COL26A1: variants seen among roughly 807,000 people sequenced by gnomAD.
COL26A1 encodes collagen type XXVI alpha 1 chain.
COL26A1 carries 41 observed loss-of-function variants against 59.3 expected under a neutral mutation model. That is an observed-to-expected ratio of 0.69 (90% CI 0.54 to 0.90). The LOEUF (loss-of-function observed/expected upper bound fraction) is 0.90, where lower values mean the gene tolerates loss of function less well. Ranked by LOEUF, COL26A1 falls within the 40% of genes least tolerant of loss-of-function variation. COL26A1 has a pLI of 0.00. For missense variants in COL26A1, 612 were observed against 602.3 expected, an observed-to-expected ratio of 1.02 and a Z score of -0.17; for synonymous variants, 266 against 256.0, an observed-to-expected ratio of 1.04 and a Z score of -0.37.
chr7:101,557,332 G>A (rs1306755810), intron 12 of COL26A1, 38 bp from the exon 13 acceptor site: 1 of 1,586,008 alleles, frequency 6.3e-7, no homozygotes, highest in Non-Finnish European at 8.6e-7. Flanking sequence ...GTGTTCCTAA[G>A]GCTCTACCTC....
At chr7:101,457,393 C>G (rs1287665635) in intron 3 of COL26A1, among the ~76,000 whole-genome samples, 1 of 152,182 alleles carries the variant, frequency 6.6e-6, no homozygotes, top group Non-Finnish European at 1.5e-5. Context: ...TACATTTTAG[C>G]AGAATTCAGG....
rs944062516 is a variant in COL26A1, at chr7:101,363,242, CG to C, written c.158+57del. The C allele has an allele frequency of 9.7e-4, 1,156 of 1,189,948 alleles. 9 individuals are homozygous for C. Among genetic ancestry groups the C allele is most frequent in the South Asian group, 4.2e-3 (238 of 56,344 alleles). The allele number at this position is 1,189,948 out of a possible 1,614,324, so 73.7% of individuals were successfully genotyped here. On this transcript the variant is annotated intron_variant, in intron 1 of 12. Coordinates refer to ENST00000313669, the MANE Select transcript of COL26A1 (RefSeq NM_001278563.3). ...GGGGGTGGGGGGAGGGAGCGGACAG[CG>C]GGGGCCCTGGCCACTGGGTGGCTGG...
intron 8 of COL26A1, among the ~76,000 whole-genome samples, 160 bp from the exon 9 acceptor site, chr7:101,549,011 G>A (rs1277355417): frequency 6.6e-6 from 1 of 152,194 alleles, no homozygotes; most frequent in Non-Finnish European, 1.5e-5. Context: ...CGAGGATGGA[G>A]ACCTCGTTGA....
At chr7:101,372,031 T>A (rs1465908915) in intron 1 of COL26A1, among the ~76,000 whole-genome samples, 1 of 152,200 alleles carries the variant, frequency 6.6e-6, no homozygotes, top group African/African-American at 2.4e-5. Context: ...GGGTTAATAT[T>A]AATAATGTTC....
chr7:101,537,928 A>C (rs902546050), intron 4 of COL26A1, among the ~76,000 whole-genome samples: 2 of 147,186 alleles, frequency 1.4e-5, no homozygotes, highest in East Asian at 2.0e-4. Flanking sequence ...ACTGCAACCC[A>C]CCCCCGCCAA....
At chr7:101,491,298 T>C (rs1794455148) in intron 3 of COL26A1, among the ~76,000 whole-genome samples, 1 of 152,132 alleles carries the variant, frequency 6.6e-6, no homozygotes. Context: ...TGGGAGTATT[T>C]ACACCATGGA....
intron 1 of COL26A1, among the ~76,000 whole-genome samples, chr7:101,365,593 A>G (rs1791025402): frequency 6.6e-6 from 1 of 151,932 alleles, no homozygotes. Context: ...CGCCTGGCTA[A>G]TTTTTGTATT....
intron 3 of COL26A1, among the ~76,000 whole-genome samples, chr7:101,472,150 A>G (rs1258377375): frequency 6.6e-6 from 1 of 152,006 alleles, no homozygotes; most frequent in Non-Finnish European, 1.5e-5. Context: ...GACTATAGGC[A>G]TGCGCCATCA....
chr7:101,546,678 C>A (rs892394293), intron 7 of COL26A1, among the ~76,000 whole-genome samples: 5 of 152,068 alleles, frequency 3.3e-5, no homozygotes, highest in South Asian at 2.1e-4. Context: ...TCCTGGAGGG[C>A]CATGGGAGAT....
At chr7:101,493,661 G>T (rs755629749) in intron 3 of COL26A1, among the ~76,000 whole-genome samples, 7 of 150,206 alleles carry the variant, frequency 4.7e-5, no homozygotes, top group Non-Finnish European at 8.8e-5. Flanking sequence ...GGTAGCTCAC[G>T]CCTGTAATCC....
chr7:101,406,705 A>T (rs1437550046), intron 1 of COL26A1, among the ~76,000 whole-genome samples: 1 of 152,098 alleles, frequency 6.6e-6, no homozygotes, highest in East Asian at 1.9e-4. Flanking sequence ...AGTCCTAGCT[A>T]CTTGAGAGGT....
chr7:101,388,671 C>A (rs952658595), intron 1 of COL26A1, among the ~76,000 whole-genome samples: 8 of 151,524 alleles, frequency 5.3e-5, no homozygotes, highest in Admixed American at 5.3e-4. Flanking sequence ...TCAAGCAATT[C>A]TCCTGCCTCA....
At position 101,489,844 on chromosome 7, in the gene COL26A1, T is replaced by C. The variant is rs1421634998; in HGVS notation, c.385+42057T>C. On this transcript the variant is annotated intron_variant, in intron 3 of 12. Coordinates refer to ENST00000313669, the MANE Select transcript of COL26A1 (RefSeq NM_001278563.3). ...TTTCTTTCTTTCTTTCTTTCTTTCT[T>C]TCTTTCTTTCTTTCTTTCTTTCTTT... Among the ~76,000 whole-genome samples, 28 of 24,152 alleles carry C rather than the reference T, an allele frequency of 1.2e-3. 5 individuals are homozygous for C. Among genetic ancestry groups the C allele is most frequent in the African/African-American group, 5.8e-3 (15 of 2,588 alleles). The allele number at this position is 24,152 out of a possible 152,430, so 15.8% of individuals were successfully genotyped here. A position where few individuals can be genotyped will look rare whatever the true frequency, so the allele number is the denominator to read the frequency against.
At chr7:101,490,983 C>CAA (rs3073351) in intron 3 of COL26A1, among the ~76,000 whole-genome samples, 4,013 of 109,034 alleles carry the variant, frequency 0.037, 277 homozygotes, top group African/African-American at 0.12. Flanking sequence ...GGCTCTGTCT[C>CAA]AAAAAAAAAA....
At chr7:101,454,268 C>CTTTTT (rs58969139) in intron 3 of COL26A1, among the ~76,000 whole-genome samples, 475 of 137,266 alleles carry the variant, frequency 3.5e-3, no homozygotes, top group Non-Finnish European at 5.3e-3. Context: ...TCTTTTCTTT[C>CTTTTT]TTTTTTTTTT....
intron 1 of COL26A1, among the ~76,000 whole-genome samples, chr7:101,371,991 T>C (rs987378730): frequency 6.6e-6 from 1 of 152,194 alleles, no homozygotes; most frequent in Non-Finnish European, 1.5e-5. Flanking sequence ...ATGACTTCAG[T>C]ACTTCATTAA....
At chr7:101,533,293 A>T (rs1795409495) in intron 4 of COL26A1, 150 bp downstream of exon 4, 1 of 652,670 alleles carries the variant, frequency 1.5e-6, no homozygotes, top group Admixed American at 2.5e-5. Flanking sequence ...GGTACTGGGT[A>T]CTGTTCAGGC....
intron 2 of COL26A1, among the ~76,000 whole-genome samples, chr7:101,441,381 A>C (rs1244083403): frequency 1.3e-5 from 2 of 152,172 alleles, no homozygotes; most frequent in Non-Finnish European, 2.9e-5. Flanking sequence ...GTGCAATCTC[A>C]GCTCACTTCT....
In COL26A1 at chr7:101,400,096, T is replaced by C. The variant is rs546211456; in HGVS notation, c.159-19881T>C. Among the ~76,000 whole-genome samples, 14 of 151,926 alleles carry C rather than the reference T, an allele frequency of 9.2e-5. No individual in the cohort carries two copies. In the East Asian group the frequency reaches 2.7e-3, roughly 30 times the overall value. ...TCTGTGCAGAGGGGACAGCAAATAT[T>C]TGAGAGTGAAGGGGCCACTTGAGCA... On this transcript the variant is annotated intron_variant, in intron 1 of 12. Coordinates refer to ENST00000313669, the MANE Select transcript of COL26A1 (RefSeq NM_001278563.3).
Sources: allele counts gnomAD v4.1 joint callset (sites outside exome capture counted in the v4.1 genomes callset), GRCh38; gene constraint gnomAD v4.1.1; transcripts MANE v1.5; gene names NCBI Gene and HGNC (gene_info 2026-07-23, HGNC 2026-07-21).